The following ZNF354A variants were observed in gnomAD, a reference collection of about 807,000 sequenced individuals.
ZNF354A encodes the protein epididymis luminal protein 104.
A neutral mutation model predicts 53.3 loss-of-function variants in ZNF354A; 25 were observed. That is an observed-to-expected ratio of 0.47 (90% CI 0.34 to 0.66). The LOEUF (loss-of-function observed/expected upper bound fraction) is 0.66. ZNF354A is among the 30% of genes least tolerant of loss of function. The pLI is 0.01. For missense variants in ZNF354A, 586 were observed against 716.8 expected (o/e 0.82, Z 2.08); for synonymous variants, 228 against 249.0 (o/e 0.92, Z 0.79).
At chr5:178,718,389 T>G (rs771329658) in intron 4 of ZNF354A, among the ~76,000 whole-genome samples, 13 of 152,178 alleles carry the variant, frequency 8.5e-5, no homozygotes, top group Non-Finnish European at 1.8e-4. Flanking sequence ...GACCACTTCC[T>G]GTTATCAGGT....
chr5:178,726,447 G>A (rs1325571000), intron 3 of ZNF354A, among the ~76,000 whole-genome samples: 43 of 151,668 alleles, frequency 2.8e-4, no homozygotes, highest in Admixed American at 2.6e-3. Context: ...ACAGGCGCCC[G>A]GCATCACACC....
At chr5:178,717,360 A>C (rs1765735253) in intron 4 of ZNF354A, among the ~76,000 whole-genome samples, 2 of 152,040 alleles carry the variant, frequency 1.3e-5, no homozygotes, top group Admixed American at 6.6e-5. Context: ...CTGTACAGTG[A>C]AGGAAGAGCT....
chr5:178,712,770 G>A lies in ZNF354A; in HGVS notation c.1108C>T (p.Arg370Cys), dbSNP rs142363704. ...GNTFKSSSSL[R>C]YHQRIHTGEK... is the part of the protein sequence containing the mutation. Reference sequence around the variant, plus strand: ...CCAGTGTGAATTCTCTGATGATAACGAAGGGATGAGCTAGACTTAAAGGTG... The same window carrying A: ...CCAGTGTGAATTCTCTGATGATAACAAAGGGATGAGCTAGACTTAAAGGTG... Residue 370 changes from arginine (R) to cysteine (C), a missense_variant, in exon 5 of 5, where the codon CGT becomes TGT. Transcript: ENST00000335815. 58 of 1,613,900 alleles carry A rather than the reference G, an allele frequency of 3.6e-5. No homozygotes were observed. The highest frequency in any genetic ancestry group is 5.0e-5 in the Admixed American group (3 of 59,994).
chr5:178,720,400 C>T (rs751264573), intron 4 of ZNF354A, among the ~76,000 whole-genome samples: 2 of 152,146 alleles, frequency 1.3e-5, no homozygotes, highest in African/African-American at 2.4e-5. Context: ...CCTAATCCAG[C>T]GTGACTGCTG....
At chr5:178,717,087 A>AAAAG (rs1421813566) in intron 4 of ZNF354A, among the ~76,000 whole-genome samples, 1 of 151,614 alleles carries the variant, frequency 6.6e-6, no homozygotes, top group African/African-American at 2.4e-5. Flanking sequence ...CAAAAAAAAA[A>AAAAG]AAAAAAAAAG....
intron 3 of ZNF354A, 123 bp downstream of exon 3, chr5:178,726,876 G>A: frequency 7.1e-7 from 1 of 1,399,928 alleles, no homozygotes; most frequent in Non-Finnish European, 9.7e-7. Flanking sequence ...ATAAAGATCT[G>A]ATTTGTACAA....
Position 178,712,397 on chromosome 5 carries a change from T to C in ZNF354A, c.1481A>G (p.Tyr494Cys), listed in dbSNP as rs1398119285. ...TGTTTTCCCACACTCGTTACATTTA[T>C]AGGGTCTTTCTCCAGTATGCATTCT... ...HQRMHTGERP[Y>C]KCNECGKTFR... The change falls in exon 5 of 5, where the codon TAT becomes TGT. Residue 494 changes from tyrosine (Y) to cysteine (C), a missense_variant. By Grantham distance (194) the Tyr-to-Cys change is radical (BLOSUM62 -2). Coordinates refer to ENST00000335815, the MANE Select transcript of ZNF354A (RefSeq NM_005649.3). 4 of 1,613,842 alleles carry C rather than the reference T, an allele frequency of 2.5e-6. No individual in the cohort carries two copies. Among genetic ancestry groups the C allele is most frequent in the Non-Finnish European group, 3.4e-6 (4 of 1,179,722 alleles).
chr5:178,716,410 C>T (rs933712585), intron 4 of ZNF354A, among the ~76,000 whole-genome samples: 1 of 152,184 alleles, frequency 6.6e-6, no homozygotes, highest in Non-Finnish European at 1.5e-5. Context: ...CTACATGCAG[C>T]TTCAGGAGCA....
chr5:178,713,773 G>T, intron 4 of ZNF354A, 152 bp from the exon 5 acceptor site: 2 of 790,540 alleles, frequency 2.5e-6, no homozygotes, highest in South Asian at 2.5e-5. Flanking sequence ...AAATAGGACA[G>T]TTAGACAGTA....
At chr5:178,722,974 C>T (rs1202696795) in intron 4 of ZNF354A, among the ~76,000 whole-genome samples, 1 of 152,176 alleles carries the variant, frequency 6.6e-6, no homozygotes, top group Non-Finnish European at 1.5e-5. Flanking sequence ...ACAGAAAAAG[C>T]AGGGCAGAGG....
chr5:178,722,846 C>T (rs1004947467), intron 4 of ZNF354A, among the ~76,000 whole-genome samples: 3 of 152,142 alleles, frequency 2.0e-5, no homozygotes, highest in African/African-American at 4.8e-5. Context: ...GAGGAGATGG[C>T]GTGGGGGCTG....
At chr5:178,726,242 G>C (rs1561621545) in intron 3 of ZNF354A, 2 of 453,978 alleles carry the variant, frequency 4.4e-6, no homozygotes, top group Non-Finnish European at 8.8e-6. Flanking sequence ...GCAAAGAATG[G>C]TGGGAAAAAA....
At position 178,712,702 on chromosome 5, in the gene ZNF354A, G is replaced by A; in HGVS notation, c.1176C>T (p.Ser392=). The A allele has an allele frequency of 1.9e-6, 3 of 1,613,610 alleles. No homozygotes were observed. The highest frequency in any genetic ancestry group is 2.5e-6 in the Non-Finnish European group (3 of 1,179,624). The change falls in exon 5 of 5, where the codon AGC becomes AGT. Residue 392 remains serine (S), a synonymous_variant. Coordinates refer to ENST00000335815, the MANE Select transcript of ZNF354A (RefSeq NM_005649.3). ...FKCSECGRAF[S]QSASLIQHER... ...CATGTTGAATAAGAGAGGCACTCTG[G>A]CTGAAGGCTCTCCCACATTCACTAC...
intron 4 of ZNF354A, among the ~76,000 whole-genome samples, chr5:178,714,717 T>C (rs1359292568): frequency 1.3e-5 from 2 of 152,030 alleles, no homozygotes; most frequent in Non-Finnish European, 2.9e-5. Context: ...ATTTCATATA[T>C]ATACAAATAT....
At chr5:178,722,220 A>G (rs1337720922) in intron 4 of ZNF354A, among the ~76,000 whole-genome samples, 3 of 152,110 alleles carry the variant, frequency 2.0e-5, no homozygotes, top group African/African-American at 4.8e-5. Context: ...TCCCTAGGCC[A>G]ACTCATCCTC....
chr5:178,713,653 A>G (rs770402849), intron 4 of ZNF354A, 32 bp from the exon 5 acceptor site: 3 of 1,515,062 alleles, frequency 2.0e-6, no homozygotes, highest in Non-Finnish European at 2.6e-6. Flanking sequence ...AAAATGTTTC[A>G]TGTGATATCA....
chr5:178,722,358 C>T (rs957819682), intron 4 of ZNF354A, among the ~76,000 whole-genome samples: 1 of 152,178 alleles, frequency 6.6e-6, no homozygotes, highest in Admixed American at 6.5e-5. Context: ...ATAACTAGGT[C>T]AACCAAAAAC....
At chr5:178,721,638 A>G (rs1765814650) in intron 4 of ZNF354A, among the ~76,000 whole-genome samples, 1 of 152,062 alleles carries the variant, frequency 6.6e-6, no homozygotes, top group South Asian at 2.1e-4. Context: ...AGCTGTGTGG[A>G]CGTACCACAG....
chr5:178,723,085 G>A (rs1435365781), intron 4 of ZNF354A, among the ~76,000 whole-genome samples: 4 of 152,234 alleles, frequency 2.6e-5, no homozygotes, highest in African/African-American at 9.6e-5. Context: ...GGAGCTGAGA[G>A]TGAAGAGGTA....
Sources: allele counts gnomAD v4.1 joint callset (sites outside exome capture counted in the v4.1 genomes callset), GRCh38; gene constraint gnomAD v4.1.1; transcripts MANE v1.5; gene names NCBI Gene and HGNC (gene_info 2026-07-23, HGNC 2026-07-21).